TUFT1: variants seen among roughly 807,000 people sequenced by gnomAD.
TUFT1 encodes tuftelin 1, also known as tuftelin.
In TUFT1, 43 loss-of-function variants were observed where a neutral mutation model predicts 57.8. The observed-to-expected ratio is 0.74, with a 90% CI of 0.58 to 0.96. The LOEUF is 0.96. TUFT1 is among the 40% of genes least tolerant of loss of function. The probability of loss-of-function intolerance (pLI) is 0.00; values close to 1 mark genes in which losing one functional copy is unlikely to be tolerated. For missense variants in TUFT1, 459 were observed against 489.0 expected, an observed-to-expected ratio of 0.94 and a Z score of 0.58; for synonymous variants, 166 against 176.7, an observed-to-expected ratio of 0.94 and a Z score of 0.48.
intron 1 of TUFT1, 119 bp downstream of exon 1, chr1:151,540,545 C>A: frequency 9.0e-7 from 1 of 1,116,032 alleles, no homozygotes; most frequent in Non-Finnish European, 1.3e-6. Context: ...GCGCGGTCAG[C>A]CCTGCGCGGC....
intron 1 of TUFT1, among the ~76,000 whole-genome samples, chr1:151,560,956 T>TTTTGTG (rs1491207174): frequency 7.6e-6 from 1 of 132,450 alleles, no homozygotes; most frequent in East Asian, 2.2e-4. Flanking sequence ...CTGCAAAGTA[T>TTTTGTG]TGTGTGTGTG....
Position 151,554,512 on chromosome 1 carries a change from G to A in TUFT1, c.61-7579G>A, listed in dbSNP as rs184204719. ...CCTCCCGGGTTCAGGCAATTCTCCC[G>A]TCTCAGCCTCCTGAGTAGCTGGGAC... On this transcript the variant is annotated intron_variant, in intron 1 of 12. Coordinates refer to ENST00000368849, the MANE Select transcript of TUFT1 (RefSeq NM_020127.3). Among the ~76,000 whole-genome samples the A allele has an allele frequency of 2.2e-3, 329 of 152,096 alleles. 3 individuals are homozygous for A. Among genetic ancestry groups the A allele is most frequent in the South Asian group, 0.015 (74 of 4,810 alleles).
rs776893083 is a variant in TUFT1, at chr1:151,562,098, T to G, written c.68T>G (p.Val23Gly). ...VHPEDQAAGS[V>G]DILRLTLQGE... ...TGTCATTGTCATTATTAGGGCAGCG[T>G]GGACATTCTCAGGCTGACTCTCCAG... Residue 23 changes from valine to glycine, a missense_variant, in exon 2 of 13, where the codon GTG becomes GGG. Transcript: ENST00000368849. 1 of 1,614,132 alleles carries G rather than the reference T, an allele frequency of 6.2e-7. No individual in the cohort carries two copies. Among genetic ancestry groups the G allele is most frequent in the East Asian group, 2.2e-5 (1 of 44,882 alleles).
At chr1:151,581,184 C>T (rs1241499239) in intron 12 of TUFT1, 142 bp downstream of exon 12, 64 of 785,854 alleles carry the variant, frequency 8.1e-5, no homozygotes, top group Non-Finnish European at 7.8e-5. Context: ...CACTGTTTGC[C>T]GGAACCATTT....
At chr1:151,557,857 A>G (rs1665761110) in intron 1 of TUFT1, 5 of 740,770 alleles carry the variant, frequency 6.7e-6, no homozygotes, top group Non-Finnish European at 1.2e-5. Context: ...TGCCGACAGC[A>G]AAGCTGAGGC....
chr1:151,577,751 G>A (rs1046859574), intron 9 of TUFT1, among the ~76,000 whole-genome samples: 4 of 152,170 alleles, frequency 2.6e-5, no homozygotes, highest in African/African-American at 9.7e-5. Flanking sequence ...AACTGGGCAT[G>A]GCGGCTCACA....
At chr1:151,569,029 C>T (rs1666165669) in intron 6 of TUFT1, among the ~76,000 whole-genome samples, 1 of 152,230 alleles carries the variant, frequency 6.6e-6, no homozygotes, top group Non-Finnish European at 1.5e-5. Flanking sequence ...TAGCTCATCT[C>T]TAACCACCAG....
At position 151,583,127 on chromosome 1, in the gene TUFT1, T is replaced by C. The variant is rs1222857395; in HGVS notation, c.*1420T>C. ...TTTTGTATTTTTAGTAGAGATGGGGTTTCACCATACTGGCTAGGCTGGTCT... is the reference window on the plus strand; with the variant it reads ...TTTTGTATTTTTAGTAGAGATGGGGCTTCACCATACTGGCTAGGCTGGTCT... On this transcript the variant is annotated 3_prime_UTR_variant, in exon 13 of 13. Transcript: ENST00000368849. 1 of 151,912 alleles carries C rather than the reference T, an allele frequency of 6.6e-6. No homozygotes were observed. The highest frequency in any genetic ancestry group is 1.5e-5 in the Non-Finnish European group (1 of 68,018). The allele number at this position is 151,912 out of a possible 1,614,324, so 9.4% of individuals were successfully genotyped here.
chr1:151,570,888 G>A (rs986042588), intron 7 of TUFT1, among the ~76,000 whole-genome samples: 3 of 152,074 alleles, frequency 2.0e-5, no homozygotes, highest in African/African-American at 7.2e-5. Flanking sequence ...TGTGTTTTTT[G>A]TAGAGACAGG....
intron 5 of TUFT1, chr1:151,564,881 T>G: frequency 1.1e-5 from 3 of 270,846 alleles, no homozygotes; most frequent in Non-Finnish European, 7.0e-6. Flanking sequence ...ATAAATTAAA[T>G]ATCATCAGTT....
chr1:151,581,913 G>A lies in TUFT1; in HGVS notation c.*206G>A, dbSNP rs918006976. The A allele has an allele frequency of 1.3e-5, 8 of 628,698 alleles. No homozygotes were observed. The African/African-American group carries it at 1.5e-4, about 11-fold the overall frequency. The allele number at this position is 628,698 out of a possible 1,614,324, so 38.9% of individuals were successfully genotyped here. On this transcript the variant is annotated 3_prime_UTR_variant, in exon 13 of 13. Coordinates refer to ENST00000368849, the MANE Select transcript of TUFT1 (RefSeq NM_020127.3). Reference sequence around the variant, plus strand: ...ACGAGCACCTATTCAAGGCACTGCAGCCCTTTGGAAGACATTGTCCTGCAA... The same window carrying A: ...ACGAGCACCTATTCAAGGCACTGCAACCCTTTGGAAGACATTGTCCTGCAA...
At chr1:151,579,598 G>A in intron 10 of TUFT1, 51 bp from the exon 11 acceptor site, 13 of 1,588,338 alleles carry the variant, frequency 8.2e-6, no homozygotes, top group Non-Finnish European at 1.1e-5. Context: ...TCTGGTGAGT[G>A]TGTAATGAGT....
At chr1:151,564,713 T>G in intron 5 of TUFT1, 99 bp downstream of exon 5, 1 of 996,234 alleles carries the variant, frequency 1.0e-6, no homozygotes, top group Admixed American at 2.0e-5. Context: ...AAATCTAGCA[T>G]CCCTGCCAGG....
intron 5 of TUFT1, chr1:151,565,167 C>T (rs1420607457): frequency 6.5e-6 from 1 of 152,762 alleles, no homozygotes; most frequent in African/African-American, 2.4e-5. Flanking sequence ...CCATTCCCCC[C>T]AGGTCTGGGA....
At chr1:151,571,766 C>T (rs368351739) in intron 7 of TUFT1, among the ~76,000 whole-genome samples, 1 of 152,198 alleles carries the variant, frequency 6.6e-6, no homozygotes, top group Non-Finnish European at 1.5e-5. Flanking sequence ...GTTTTAATCA[C>T]ACATGGAGGA....
At chr1:151,565,718 A>G (rs1176273289) in intron 5 of TUFT1, among the ~76,000 whole-genome samples, 1 of 152,196 alleles carries the variant, frequency 6.6e-6, no homozygotes, top group African/African-American at 2.4e-5. Context: ...TTGCTTTGTC[A>G]AACTTTATCA....
At chr1:151,571,441 C>T (rs564636575) in intron 7 of TUFT1, among the ~76,000 whole-genome samples, 192 of 151,952 alleles carry the variant, frequency 1.3e-3, no homozygotes, top group African/African-American at 4.5e-3. Context: ...CTATATTTTT[C>T]TTAGCAATCA....
intron 3 of TUFT1, 112 bp from the exon 4 acceptor site, chr1:151,563,792 C>T (rs1485236701): frequency 1.2e-6 from 1 of 852,138 alleles, no homozygotes; most frequent in Non-Finnish European, 2.0e-6. Context: ...AAATTCCACC[C>T]AGTAAATTGG....
At chr1:151,545,758 G>C (rs769525916) in intron 1 of TUFT1, 2 of 506,838 alleles carry the variant, frequency 3.9e-6, no homozygotes, top group African/African-American at 3.9e-5. Flanking sequence ...AGAGTCCCAG[G>C]GGTGAGAGGA....
Sources: allele counts gnomAD v4.1 joint callset (sites outside exome capture counted in the v4.1 genomes callset), GRCh38; gene constraint gnomAD v4.1.1; transcripts MANE v1.5; gene names NCBI Gene and HGNC (gene_info 2026-07-23, HGNC 2026-07-21).